NMT1: variants seen among roughly 807,000 people sequenced by gnomAD.
The protein encoded by NMT1 is N-myristoyltransferase 1.
In NMT1, 12 loss-of-function variants were observed where a neutral mutation model predicts 63.4. The ratio of observed to expected loss-of-function variants is 0.19; its 90% CI spans 0.12 to 0.31. NMT1 has a LOEUF of 0.31. NMT1 is among the 10% of genes least tolerant of loss of function. The pLI, the probability that NMT1 is intolerant of heterozygous loss-of-function variation, is 1.00. For missense variants in NMT1, 432 were observed against 634.6 expected (o/e 0.68, Z 3.43); for synonymous variants, 228 against 234.3 (o/e 0.97, Z 0.25).
Position 45,061,456 on chromosome 17 carries a change from C to T in NMT1, c.127C>T (p.Arg43Trp), listed in dbSNP as rs1597997204. 6.2e-7 allele frequency: 1 copy of T among 1,612,300 alleles called. No individual in the cohort carries two copies. The highest frequency in any genetic ancestry group is 8.5e-7 in the Non-Finnish European group (1 of 1,179,302). Residue 43 changes from arginine to tryptophan, a missense_variant, in exon 1 of 12, where the codon CGG becomes TGG. By Grantham distance (101) the Arg-to-Trp change is moderately radical (BLOSUM62 -3). This residue lies in a region of NMT1 where 121 missense variants were observed against 103.7 expected (regional missense o/e 1.17). Coordinates refer to ENST00000258960, the MANE Select transcript of NMT1 (RefSeq NM_021079.5). ...GAATGAGGAGGACAACAGCTACAAC[C>T]GGGGGTAACGAAATCCTCGGAGTCC... ...CENEEDNSYN[R>W]GGLSPANDTG...
intron 8 of NMT1, among the ~76,000 whole-genome samples, chr17:45,102,489 C>G (rs2054173386): frequency 1.3e-5 from 2 of 152,216 alleles, no homozygotes; most frequent in South Asian, 2.1e-4. Context: ...TGGCTGGGCC[C>G]TGGGGTCTGT....
At chr17:45,070,598 T>C (rs1719886301) in intron 1 of NMT1, among the ~76,000 whole-genome samples, 1 of 152,194 alleles carries the variant, frequency 6.6e-6, no homozygotes, top group Admixed American at 6.5e-5. Context: ...TTTGTATTTT[T>C]AGTAGAGACG....
intron 2 of NMT1, among the ~76,000 whole-genome samples, chr17:45,082,172 T>A (rs2054021102): frequency 6.6e-6 from 1 of 152,154 alleles, no homozygotes; most frequent in South Asian, 2.1e-4. Flanking sequence ...TAGTTCATGA[T>A]TATAGCTCAC....
intron 8 of NMT1, among the ~76,000 whole-genome samples, chr17:45,101,451 GTC>G (rs1567872182): frequency 6.6e-6 from 1 of 150,850 alleles, no homozygotes; most frequent in African/African-American, 2.4e-5. Flanking sequence ...GTGAAACCCT[GTC>G]TCTACTAAAA....
In NMT1 at chr17:45,106,545, TG is replaced by T. The variant is rs1292507701; in HGVS notation, c.*907del. ...GTTTGAAGAGGCCCTTGGACCTCCTTGTAACATCAGGGACCTTTGGAGACCA... is the reference window on the plus strand; with the variant it reads ...GTTTGAAGAGGCCCTTGGACCTCCTTTAACATCAGGGACCTTTGGAGACCA... On this transcript the variant is annotated 3_prime_UTR_variant, in exon 12 of 12. Coordinates refer to ENST00000258960, the MANE Select transcript of NMT1 (RefSeq NM_021079.5). 1 of 152,670 alleles carries T rather than the reference TG, an allele frequency of 6.6e-6. No homozygotes were observed. The highest frequency in any genetic ancestry group is 1.5e-5 in the Non-Finnish European group (1 of 68,074). The allele number at this position is 152,670 out of a possible 1,614,324, so 9.5% of individuals were successfully genotyped here.
rs1045503760 is a variant in NMT1 at position 45,063,065 on chromosome 17, C to T, written c.131+1605C>T. ...TAAAAATACAAAAAATTTAGCCGGG[C>T]GTGGTGGCGGGCGCCTGTAGTCCCA... is the stretch of plus-strand genomic sequence containing the variant. On this transcript the variant is annotated intron_variant, in intron 1 of 11. Coordinates refer to ENST00000258960, the MANE Select transcript of NMT1 (RefSeq NM_021079.5). 4.0e-5 allele frequency among the ~76,000 whole-genome samples: 6 copies of T among 151,768 alleles called. 1 individual carries two copies. The highest frequency in any genetic ancestry group is 1.5e-4 in the African/African-American group (6 of 41,312).
chr17:45,103,572 C>T lies in NMT1; in HGVS notation c.1165-137C>T, dbSNP rs1209721505. The stretch of plus-strand genomic sequence containing the variant: ...GAGCCAATGTCCCTCCTCCTCCCCA[C>T]ATGTCCTGTTGCAGTTTCCAGCCAT... On this transcript the variant is annotated intron_variant, in intron 9 of 11. Coordinates refer to ENST00000258960, the MANE Select transcript of NMT1 (RefSeq NM_021079.5). The surrounding 1 kb of genome is among the most constrained non-coding windows in gnomAD (Gnocchi z 4.8). The T allele has an allele frequency of 2.5e-5, 22 of 876,734 alleles. No homozygotes were observed. Among genetic ancestry groups the T allele is most frequent in the Non-Finnish European group, 2.5e-5 (14 of 562,900 alleles). The allele number at this position is 876,734 out of a possible 1,614,324, so 54.3% of individuals were successfully genotyped here.
At chr17:45,098,239 T>G in intron 6 of NMT1, 143 bp from the exon 7 acceptor site, 1 of 704,484 alleles carries the variant, frequency 1.4e-6, no homozygotes. Context: ...TGGTGGGGAG[T>G]CCCAGTACTG....
intron 1 of NMT1, among the ~76,000 whole-genome samples, chr17:45,074,271 G>A (rs528365817): frequency 6.7e-6 from 1 of 150,222 alleles, no homozygotes; most frequent in East Asian, 1.9e-4. Context: ...CCGGAGTGCA[G>A]TGGCTGGTTC....
chr17:45,076,187 C>A (rs1425513673), intron 1 of NMT1, among the ~76,000 whole-genome samples: 1 of 152,130 alleles, frequency 6.6e-6, no homozygotes, highest in Non-Finnish European at 1.5e-5. Context: ...CAAATTGAGG[C>A]CATTCTTCTG....
At position 45,105,610 on chromosome 17, in the gene NMT1, C is replaced by T; in HGVS notation, c.1471-9C>T. 2.5e-6 allele frequency: 4 copies of T among 1,613,368 alleles called. No homozygotes were observed. The South Asian group carries it at 4.4e-5, about 18-fold the overall frequency. On this transcript the variant is annotated splice_polypyrimidine_tract_variant and intron_variant, in intron 11 of 11. Transcript: ENST00000258960. The surrounding 1 kb of genome is among the most constrained non-coding windows in gnomAD (Gnocchi z 4.2). Reference sequence around the variant, plus strand: ...ACTCAGCTCTGCCTCTCCCTGTTGGCTTTCCTAGGTTGGACTGGTGCTACA... The same window carrying T: ...ACTCAGCTCTGCCTCTCCCTGTTGGTTTTCCTAGGTTGGACTGGTGCTACA...
At chr17:45,095,349 C>G (rs1281112592) in intron 4 of NMT1, among the ~76,000 whole-genome samples, 1 of 152,096 alleles carries the variant, frequency 6.6e-6, no homozygotes, top group Admixed American at 6.6e-5. Flanking sequence ...CTCAGGTGAT[C>G]CGCCCACCTC....
chr17:45,101,904 G>T (rs1338776179), intron 8 of NMT1, among the ~76,000 whole-genome samples: 1 of 152,204 alleles, frequency 6.6e-6, no homozygotes, highest in Admixed American at 6.5e-5. Flanking sequence ...TCTCCCTTCT[G>T]TTCTCATGAC....
At chr17:45,093,529 G>A in intron 3 of NMT1, 156 bp from the exon 4 acceptor site, 1 of 604,762 alleles carries the variant, frequency 1.7e-6, no homozygotes, top group Non-Finnish European at 2.9e-6. Flanking sequence ...GCTAAGGGTA[G>A]CTGGAAAGAC....
intron 1 of NMT1, among the ~76,000 whole-genome samples, chr17:45,077,483 C>T (rs2053985617): frequency 6.6e-6 from 1 of 152,158 alleles, no homozygotes; most frequent in South Asian, 2.1e-4. Context: ...CTTCACCTCC[C>T]AGGTTCAAGT....
chr17:45,096,940 G>A (rs888011539), intron 5 of NMT1, among the ~76,000 whole-genome samples, 188 bp from the exon 6 acceptor site: 2 of 152,248 alleles, frequency 1.3e-5, no homozygotes, highest in Non-Finnish European at 2.9e-5. Context: ...GGCCAAATGG[G>A]ATGAGCAGCC....
At position 45,107,234 on chromosome 17, in the gene NMT1, T is replaced by C. The variant is rs1215270939; in HGVS notation, c.*1595T>C. The C allele has an allele frequency of 6.6e-6, 1 of 152,240 alleles. No homozygotes were observed. The highest frequency in any genetic ancestry group is 1.5e-5 in the Non-Finnish European group (1 of 68,048). The allele number at this position is 152,240 out of a possible 1,614,324, so 9.4% of individuals were successfully genotyped here. On this transcript the variant is annotated 3_prime_UTR_variant, in exon 12 of 12. Transcript: ENST00000258960. ...GGTGTGGTTTGTCAGAGGCTAATTC[T>C]GCAGAGTTTCCAAAACCAGAAGACA... is the stretch of plus-strand genomic sequence containing the variant.
chr17:45,094,165 G>GT (rs908415956), intron 4 of NMT1, among the ~76,000 whole-genome samples: 2 of 152,030 alleles, frequency 1.3e-5, no homozygotes. Context: ...AGAGCCCCTT[G>GT]TTTTGACCTG....
intron 1 of NMT1, among the ~76,000 whole-genome samples, chr17:45,072,462 G>A (rs566048972): frequency 1.0e-4 from 15 of 150,500 alleles, no homozygotes; most frequent in African/African-American, 2.9e-4. Context: ...ATGGGGTTTC[G>A]CCATGTTGGC....
Sources: allele counts gnomAD v4.1 joint callset (sites outside exome capture counted in the v4.1 genomes callset), GRCh38; gene constraint gnomAD v4.1.1; regional missense constraint gnomAD v4.1.1; non-coding constraint Gnocchi (gnomAD v3.1); transcripts MANE v1.5; gene names NCBI Gene and HGNC (gene_info 2026-07-23, HGNC 2026-07-21).